Variants in SYT14 observed in about 807,000 individuals in gnomAD.
SYT14 encodes the protein synaptotagmin 14.
SYT14 carries 32 observed loss-of-function variants against 74.2 expected under a neutral mutation model. That is an observed-to-expected ratio of 0.43 (90% CI 0.33 to 0.58). SYT14 has a LOEUF of 0.58. Ranked by LOEUF, SYT14 falls within the 20% of genes least tolerant of loss-of-function variation. The probability of loss-of-function intolerance (pLI) is 0.05; values close to 1 mark genes in which losing one functional copy is unlikely to be tolerated. For missense variants in SYT14, 791 were observed against 981.8 expected (o/e 0.81, Z 2.60); for synonymous variants, 298 against 337.7 (o/e 0.88, Z 1.29).
chr1:210,121,184 A>T (rs1572338201), intron 7 of SYT14, among the ~76,000 whole-genome samples: 1 of 152,336 alleles, frequency 6.6e-6, no homozygotes, highest in East Asian at 1.9e-4. Context: ...TAAAGGAGTT[A>T]GTCCATGTAG....
chr1:210,070,350 A>G (rs2081370207), intron 5 of SYT14, among the ~76,000 whole-genome samples: 1 of 152,100 alleles, frequency 6.6e-6, no homozygotes, highest in African/African-American at 2.4e-5. Context: ...CACTTTTAGA[A>G]AATTAATCCC....
At chr1:210,148,216 G>A (rs2083081251) in intron 7 of SYT14, among the ~76,000 whole-genome samples, 1 of 152,076 alleles carries the variant, frequency 6.6e-6, no homozygotes, top group Admixed American at 6.6e-5. Context: ...AGTATTATAA[G>A]GAAATATCTA....
At chr1:210,159,927 T>G (rs1489692220) in intron 9 of SYT14, among the ~76,000 whole-genome samples, 1 of 152,196 alleles carries the variant, frequency 6.6e-6, no homozygotes, top group Non-Finnish European at 1.5e-5. Flanking sequence ...TTTCACTTCG[T>G]ACACTAAACA....
intron 3 of SYT14, among the ~76,000 whole-genome samples, chr1:210,014,404 T>C (rs533527217): frequency 7.4e-6 from 1 of 135,718 alleles, no homozygotes; most frequent in East Asian, 2.3e-4. Flanking sequence ...ATGGAAACAT[T>C]TTCCTTGGAG....
intron 7 of SYT14, among the ~76,000 whole-genome samples, chr1:210,146,289 C>T (rs1038337748): frequency 2.6e-5 from 4 of 151,982 alleles, no homozygotes; most frequent in Non-Finnish European, 4.4e-5. Flanking sequence ...AGTGAGATCA[C>T]GCCACTGCGC....
At chr1:210,077,615 A>G (rs113239566) in intron 5 of SYT14, among the ~76,000 whole-genome samples, 1 of 152,226 alleles carries the variant, frequency 6.6e-6, no homozygotes, top group Admixed American at 6.5e-5. Context: ...ACAAATGTAC[A>G]AGTCAAATTG....
At position 210,125,061 on chromosome 1, in the gene SYT14, T is replaced by G. The variant is rs202066309; in HGVS notation, c.2034+24600T>G. Among the ~76,000 whole-genome samples the G allele has an allele frequency of 2.5e-3, 379 of 152,176 alleles. 1 individual carries two copies. Among genetic ancestry groups the G allele is most frequent in the African/African-American group, 8.7e-3 (361 of 41,524 alleles). On this transcript the variant is annotated intron_variant, in intron 7 of 9. Transcript: ENST00000637265. ...GATGTTTTTCCTCCTCCAGTAACAT[T>G]CTTTTTCTTTTTTTTTTTAGATTCA...
At chr1:209,992,385 A>G (rs2079706570) in intron 2 of SYT14, among the ~76,000 whole-genome samples, 1 of 152,192 alleles carries the variant, frequency 6.6e-6, no homozygotes. Flanking sequence ...TTGCAGCAAC[A>G]TGGAGGGAAC....
intron 7 of SYT14, among the ~76,000 whole-genome samples, chr1:210,103,543 C>G (rs1036319342): frequency 1.1e-5 from 1 of 92,604 alleles, no homozygotes; most frequent in Non-Finnish European, 2.0e-5. Flanking sequence ...GAGCAAGACT[C>G]TGTCTCAAAA....
At chr1:210,155,559 G>C (rs1469690169) in intron 7 of SYT14, among the ~76,000 whole-genome samples, 162 bp from the exon 7 acceptor site, 1 of 152,038 alleles carries the variant, frequency 6.6e-6, no homozygotes, top group Admixed American at 6.6e-5. Flanking sequence ...AGAAATCCAG[G>C]GGCTAAAATA....
intron 1 of SYT14, among the ~76,000 whole-genome samples, chr1:209,942,721 A>ACTTC (rs2078755526): frequency 6.6e-6 from 1 of 152,114 alleles, no homozygotes; most frequent in Admixed American, 6.6e-5. Context: ...TAATGATCTA[A>ACTTC]CTTCCTTCCT....
At chr1:209,973,930 G>A (rs1472501860) in intron 2 of SYT14, among the ~76,000 whole-genome samples, 1 of 152,170 alleles carries the variant, frequency 6.6e-6, no homozygotes. Flanking sequence ...GTATCTCATT[G>A]TGGTTTTGAT....
chr1:210,091,353 A>G (rs1332360947), intron 5 of SYT14, among the ~76,000 whole-genome samples: 1 of 152,228 alleles, frequency 6.6e-6, no homozygotes, highest in Admixed American at 6.5e-5. Context: ...GGATTATTAT[A>G]TTGAGGAAAA....
At chr1:209,978,373 A>G (rs1224400563) in intron 2 of SYT14, among the ~76,000 whole-genome samples, 1 of 152,076 alleles carries the variant, frequency 6.6e-6, no homozygotes, top group East Asian at 1.9e-4. Flanking sequence ...TGACGTACAG[A>G]TGGGATTTTG....
chr1:210,034,942 C>T (rs558758607), intron 5 of SYT14, among the ~76,000 whole-genome samples: 1 of 151,794 alleles, frequency 6.6e-6, no homozygotes, highest in Non-Finnish European at 1.5e-5. Context: ...CATAGAAGTG[C>T]AGGTATCTTT....
rs1048183680 is a variant in SYT14 at position 210,015,867 on chromosome 1, G to A, written c.-137G>A. On this transcript the variant is annotated 5_prime_UTR_variant, in exon 4 of 10. Transcript: ENST00000637265. Reference sequence around the variant, plus strand: ...TAATGTATTTACAGAAAGATTAAAAGCTACAATGTGAATTGCTAATATTGA... The same window carrying A: ...TAATGTATTTACAGAAAGATTAAAAACTACAATGTGAATTGCTAATATTGA... The A allele has an allele frequency of 1.2e-5, 14 of 1,210,518 alleles. No individual in the cohort carries two copies. In the African/African-American group the frequency reaches 1.3e-4, roughly 11 times the overall value. The allele number at this position is 1,210,518 out of a possible 1,614,324, so 75.0% of individuals were successfully genotyped here.
At chr1:210,014,317 T>C (rs2080142559) in intron 3 of SYT14, among the ~76,000 whole-genome samples, 1 of 151,824 alleles carries the variant, frequency 6.6e-6, no homozygotes, top group African/African-American at 2.4e-5. Context: ...AGTGTTCCAC[T>C]CCCTCCCTTG....
chr1:210,064,146 T>A (rs2081256291), intron 5 of SYT14, among the ~76,000 whole-genome samples: 1 of 152,038 alleles, frequency 6.6e-6, no homozygotes, highest in Non-Finnish European at 1.5e-5. Flanking sequence ...ATAACTTAAA[T>A]CATAATATAT....
intron 2 of SYT14, among the ~76,000 whole-genome samples, chr1:209,973,570 C>T (rs1457725942): frequency 3.9e-5 from 6 of 152,164 alleles, no homozygotes; most frequent in Non-Finnish European, 8.8e-5. Context: ...CATAGTATTC[C>T]ATGGTGTATA....
Sources: gnomAD v4.1 joint callset for allele counts (sites outside exome capture counted in the v4.1 genomes callset) on GRCh38, gnomAD v4.1.1 for gene constraint, MANE v1.5 for transcripts, NCBI Gene and HGNC (gene_info 2026-07-23, HGNC 2026-07-21) for gene names.